NPAS2: variants seen among roughly 807,000 people sequenced by gnomAD.
The protein encoded by NPAS2 is neuronal PAS domain protein 2, also known as neuronal PAS domain-containing protein 2.
NPAS2 carries 23 observed loss-of-function variants against 107.5 expected under a neutral mutation model. The observed-to-expected ratio is 0.21, with a 90% CI of 0.15 to 0.30. The LOEUF (loss-of-function observed/expected upper bound fraction) is 0.30. Among genes scored for constraint, NPAS2 ranks in the 10% least tolerant of loss-of-function variants. The pLI is 1.00. For missense variants in NPAS2, 756 were observed against 1,043.3 expected (o/e 0.72, Z 3.79); for synonymous variants, 403 against 417.5 (o/e 0.97, Z 0.42).
At chr2:100,980,977 C>T (rs1274293036) in intron 15 of NPAS2, among the ~76,000 whole-genome samples, 1 of 83,954 alleles carries the variant, frequency 1.2e-5, no homozygotes, top group Non-Finnish European at 2.1e-5. Flanking sequence ...CTTGGGGTGG[C>T]ATGGGCTCGT....
At chr2:100,867,253 T>C (rs971398129) in intron 1 of NPAS2, among the ~76,000 whole-genome samples, 9 of 152,238 alleles carry the variant, frequency 5.9e-5, no homozygotes, top group African/African-American at 1.9e-4. Flanking sequence ...TTGCCTGATA[T>C]ATCACTTATG....
chr2:100,874,480 G>A (rs559272991), intron 1 of NPAS2, among the ~76,000 whole-genome samples: 48 of 152,210 alleles, frequency 3.2e-4, no homozygotes, highest in Non-Finnish European at 2.9e-5. Flanking sequence ...GGTGGCTCAT[G>A]CCTGTAATCC....
In NPAS2 at chr2:100,968,202, A is replaced by G. The variant is rs1676343319; in HGVS notation, c.908-79A>G. Reference sequence around the variant, plus strand: ...GTATTGTCTTTTTTTTTGAAAGCTTATCTTTACAATAACTCTTGGGGAAAA... The same window carrying G: ...GTATTGTCTTTTTTTTTGAAAGCTTGTCTTTACAATAACTCTTGGGGAAAA... On this transcript the variant is annotated intron_variant, in intron 10 of 20. Transcript: ENST00000335681. This position sits in a 1 kb window ranked among gnomAD's most constrained non-coding sequence, Gnocchi z 5.3. 1.4e-6 allele frequency: 2 copies of G among 1,472,268 alleles called. No individual in the cohort carries two copies. The highest frequency in any genetic ancestry group is 9.4e-7 in the Non-Finnish European group (1 of 1,067,946). The allele number at this position is 1,472,268 out of a possible 1,614,324, so 91.2% of individuals were successfully genotyped here.
At chr2:100,923,710 C>G (rs555500779) in intron 2 of NPAS2, among the ~76,000 whole-genome samples, 1 of 152,264 alleles carries the variant, frequency 6.6e-6, no homozygotes, top group South Asian at 2.1e-4. Flanking sequence ...TGTTCTCTCT[C>G]AGAGAGTTGA....
intron 1 of NPAS2, among the ~76,000 whole-genome samples, chr2:100,833,541 T>TG (rs1676872868): frequency 6.6e-6 from 1 of 152,066 alleles, no homozygotes; most frequent in Non-Finnish European, 1.5e-5. Flanking sequence ...TAACATGAAG[T>TG]GGGGGAAGTG....
chr2:100,867,121 A>ATT (rs745873642), intron 1 of NPAS2, among the ~76,000 whole-genome samples: 1 of 151,138 alleles, frequency 6.6e-6, no homozygotes, highest in Non-Finnish European at 1.5e-5. Flanking sequence ...GTCTTCCTAA[A>ATT]TGGTCAATAT....
At chr2:100,875,327 T>A (rs1337207830) in intron 1 of NPAS2, among the ~76,000 whole-genome samples, 1 of 152,244 alleles carries the variant, frequency 6.6e-6, no homozygotes, top group Admixed American at 6.5e-5. Context: ...AGTTTCTGTC[T>A]GATGGTTGCA....
intron 3 of NPAS2, among the ~76,000 whole-genome samples, chr2:100,926,403 A>C (rs1305116551): frequency 6.6e-6 from 1 of 152,182 alleles, no homozygotes; most frequent in African/African-American, 2.4e-5. Flanking sequence ...GCAATGTATG[A>C]GGGTTCCAAT....
intron 1 of NPAS2, among the ~76,000 whole-genome samples, chr2:100,848,632 C>A (rs887651114): frequency 2.6e-5 from 4 of 152,170 alleles, no homozygotes; most frequent in Admixed American, 2.0e-4. Context: ...AAAAAGTGAT[C>A]TTTTCAGCAT....
rs58558247 is a variant in NPAS2, at chr2:100,967,237, C to CTT, written c.908-1018_908-1017dup. ...TAATCACATTCTCCAAGTCAGTGTCCTTTTTTTTTTTTTTTTTTTTTTTTT... is the reference window on the plus strand; with the variant it reads ...TAATCACATTCTCCAAGTCAGTGTCCTTTTTTTTTTTTTTTTTTTTTTTTTTT... On this transcript the variant is annotated intron_variant, in intron 10 of 20. Coordinates refer to ENST00000335681, the MANE Select transcript of NPAS2 (RefSeq NM_002518.4). 7.7e-4 allele frequency among the ~76,000 whole-genome samples: 77 copies of CTT among 100,552 alleles called. 2 individuals are homozygous for CTT. Among genetic ancestry groups the CTT allele is most frequent in the African/African-American group, 1.2e-3 (29 of 24,992 alleles). 66.0% of individuals were successfully genotyped at this position (100,552 alleles called of 152,430 possible). A position where few individuals can be genotyped will look rare whatever the true frequency, so the allele number is the denominator to read the frequency against.
At chr2:100,854,010 C>T (rs563784402) in intron 1 of NPAS2, among the ~76,000 whole-genome samples, 137 of 148,808 alleles carry the variant, frequency 9.2e-4, no homozygotes, top group African/African-American at 3.1e-3. Flanking sequence ...ATTAGCAGGG[C>T]GTGGTGACAT....
chr2:100,888,437 A>G (rs1680848462), intron 1 of NPAS2, among the ~76,000 whole-genome samples: 1 of 152,118 alleles, frequency 6.6e-6, no homozygotes, highest in South Asian at 2.1e-4. Context: ...GGACAATGTG[A>G]TGAGGATGGG....
chr2:100,830,092 C>T (rs978716716), intron 1 of NPAS2, among the ~76,000 whole-genome samples: 5 of 152,184 alleles, frequency 3.3e-5, no homozygotes, highest in Non-Finnish European at 1.5e-5. Flanking sequence ...GCCAGCATAG[C>T]TCTTTGGTCT....
In NPAS2 at chr2:100,976,806, C is replaced by G. The variant is rs544317401; in HGVS notation, c.1393-904C>G. The G allele has an allele frequency of 6.6e-5, 10 of 152,212 alleles. No homozygotes were observed. The highest frequency in any genetic ancestry group is 1.3e-4 in the Non-Finnish European group (9 of 68,060). 9.4% of individuals were successfully genotyped at this position (152,212 alleles called of 1,614,324 possible). A position where few individuals can be genotyped will look rare whatever the true frequency, so the allele number is the denominator to read the frequency against. On this transcript the variant is annotated intron_variant, in intron 14 of 20. Coordinates refer to ENST00000335681, the MANE Select transcript of NPAS2 (RefSeq NM_002518.4). This position sits in a 1 kb window ranked among gnomAD's most constrained non-coding sequence, Gnocchi z 4.1. ...CCAGTGTGACTCACTTTGCCAACAA[C>G]GGAGGCCCAGAGTGCTTCTGTCTCC...
At chr2:100,963,573 TTTTG>T (rs1161680100) in intron 7 of NPAS2, among the ~76,000 whole-genome samples, 2 of 151,880 alleles carry the variant, frequency 1.3e-5, no homozygotes, top group Admixed American at 6.6e-5. Context: ...TAATTTTTGT[TTTTG>T]TTTGTTTGTT....
rs981097449 is a variant in NPAS2 at position 100,965,012 on chromosome 2, C to T, written c.800+69C>T. 3.0e-5 allele frequency: 32 copies of T among 1,057,808 alleles called. No individual in the cohort carries two copies. Among genetic ancestry groups the T allele is most frequent in the Non-Finnish European group, 4.0e-5 (29 of 723,942 alleles). The allele number at this position is 1,057,808 out of a possible 1,614,324, so 65.5% of individuals were successfully genotyped here. On this transcript the variant is annotated intron_variant, in intron 9 of 20. Transcript: ENST00000335681. This position sits in a 1 kb window ranked among gnomAD's most constrained non-coding sequence, Gnocchi z 4.3. ...TCTTGTTTGCGTGAGCCAGGCTCTC[C>T]TTGGGAGAGAAGAGTCGGCCCTGGT... is the stretch of plus-strand genomic sequence containing the variant.
chr2:100,886,246 T>C (rs571334387), intron 1 of NPAS2, among the ~76,000 whole-genome samples: 5 of 152,198 alleles, frequency 3.3e-5, no homozygotes, highest in African/African-American at 1.2e-4. Context: ...ATTTAAAGTA[T>C]GATTCACTTT....
At chr2:100,912,611 C>T (rs532112841) in intron 2 of NPAS2, among the ~76,000 whole-genome samples, 8 of 152,340 alleles carry the variant, frequency 5.3e-5, no homozygotes, top group South Asian at 2.1e-4. Context: ...CCTGAAGACA[C>T]GCTCACTCCC....
chr2:100,927,843 A>G (rs1008091071), intron 3 of NPAS2, among the ~76,000 whole-genome samples: 6 of 152,216 alleles, frequency 3.9e-5, no homozygotes, highest in Non-Finnish European at 7.3e-5. Context: ...GGATGTTACA[A>G]AAAGTCACAG....
Sources: allele counts gnomAD v4.1 joint callset (sites outside exome capture counted in the v4.1 genomes callset), GRCh38; gene constraint gnomAD v4.1.1; non-coding constraint Gnocchi (gnomAD v3.1); transcripts MANE v1.5; gene names NCBI Gene and HGNC (gene_info 2026-07-23, HGNC 2026-07-21).